Variants in SMARCD3 observed in about 807,000 individuals in gnomAD.
SMARCD3 encodes the protein SWI/SNF related BAF chromatin remodeling complex subunit D3.
Under a neutral mutation model 58.0 loss-of-function variants are expected in SMARCD3, and 14 were observed. The ratio of observed to expected loss-of-function variants is 0.24; its 90% confidence interval spans 0.16 to 0.38. SMARCD3 has a LOEUF of 0.38. Among genes scored for constraint, SMARCD3 ranks in the 10% least tolerant of loss-of-function variants. The pLI, the probability that SMARCD3 is intolerant of heterozygous loss-of-function variation, is 1.00. For synonymous variants in SMARCD3, 253 were observed against 253.8 expected, an observed-to-expected ratio of 1.00 and a Z score of 0.03; for missense variants, 408 against 636.9, an observed-to-expected ratio of 0.64 and a Z score of 3.87.
intron 2 of SMARCD3, among the ~76,000 whole-genome samples, chr7:151,265,394 A>AC (rs1804048392): frequency 6.6e-6 from 1 of 152,044 alleles, no homozygotes; most frequent in Non-Finnish European, 1.5e-5. Context: ...GAAGGAACCA[A>AC]CCCCGCTGAC....
intron 2 of SMARCD3, among the ~76,000 whole-genome samples, chr7:151,271,890 T>A (rs953025367): frequency 3.3e-5 from 5 of 152,136 alleles, no homozygotes; most frequent in African/African-American, 1.2e-4. Flanking sequence ...GCCCAGGAGT[T>A]GGAGGCTGCA....
intron 2 of SMARCD3, among the ~76,000 whole-genome samples, chr7:151,259,370 T>C (rs1344137402): frequency 1.4e-5 from 2 of 140,494 alleles, no homozygotes; most frequent in Non-Finnish European, 3.1e-5. Context: ...AAAAAAAGAA[T>C]GTAAGCTCCA....
chr7:151,264,024 C>CA (rs1804001287), intron 2 of SMARCD3, among the ~76,000 whole-genome samples: 1 of 151,944 alleles, frequency 6.6e-6, no homozygotes, highest in African/African-American at 2.4e-5. Context: ...AATGATCAGC[C>CA]ACTGGGTCTG....
At chr7:151,273,757 G>A (rs905776937) in intron 2 of SMARCD3, among the ~76,000 whole-genome samples, 3 of 152,104 alleles carry the variant, frequency 2.0e-5, no homozygotes, top group African/African-American at 7.2e-5. Flanking sequence ...CCTTGGTGAT[G>A]GGTACCAGGT....
chr7:151,275,334 G>A, intron 1 of SMARCD3: 1 of 630,184 alleles, frequency 1.6e-6, no homozygotes. Context: ...ACTCCCCGGA[G>A]TGGAGGTCTG....
upstream of SMARCD3, among the ~76,000 whole-genome samples, chr7:151,250,405 A>G (rs181762698): frequency 7.1e-4 from 108 of 151,986 alleles, no homozygotes; most frequent in African/African-American, 2.3e-3. Context: ...TCTGTCTGCC[A>G]TAGGTCATGC....
chr7:151,257,176 C>G (rs2150605629), intron 2 of SMARCD3, among the ~76,000 whole-genome samples: 1 of 152,358 alleles, frequency 6.6e-6, no homozygotes, highest in Middle Eastern at 3.4e-3. Flanking sequence ...TAGGCGTGAG[C>G]CCCTGCACCC....
intron 2 of SMARCD3, among the ~76,000 whole-genome samples, chr7:151,244,335 T>A (rs1001349318): frequency 6.6e-6 from 1 of 152,196 alleles, no homozygotes; most frequent in Admixed American, 6.5e-5. Flanking sequence ...GACTTCAGGC[T>A]GAGGCCAAAT....
chr7:151,268,903 C>T (rs1247943405), intron 2 of SMARCD3, among the ~76,000 whole-genome samples: 2 of 152,128 alleles, frequency 1.3e-5, no homozygotes, highest in African/African-American at 2.4e-5. Flanking sequence ...TGCGACTGGC[C>T]TAAAATTCTT....
intron 2 of SMARCD3, among the ~76,000 whole-genome samples, chr7:151,268,282 GACCAGACC>G: frequency 6.6e-6 from 1 of 152,326 alleles, no homozygotes; most frequent in South Asian, 2.1e-4. Flanking sequence ...AATTTGGCAA[GACCAGACC>G]ACCAGTCCAT....
chr7:151,270,564 A>G (rs1018107263), intron 2 of SMARCD3, among the ~76,000 whole-genome samples: 4 of 152,164 alleles, frequency 2.6e-5, no homozygotes, highest in African/African-American at 4.8e-5. Flanking sequence ...TTCACGCCCA[A>G]GCCGGGTGGG....
rs1803830594 is a variant in SMARCD3 at position 151,259,437 on chromosome 7, G to A, written c.40-13766C>T. On this transcript the variant is annotated intron_variant, in intron 2 of 13. Transcript: ENST00000356800. The stretch of plus-strand genomic sequence containing the variant: ...TGTGTGTGTGTGTGTGTTTCTAAAG[G>A]AGGCAGGGCTTTTTATCTGTTTTCT... Among the ~76,000 whole-genome samples, 6 of 138,190 alleles carry A rather than the reference G, an allele frequency of 4.3e-5. No homozygotes were observed. In the South Asian group the frequency reaches 1.4e-3, roughly 31 times the overall value. The allele number at this position is 138,190 out of a possible 152,430, so 90.7% of individuals were successfully genotyped here. A position where few individuals can be genotyped will look rare whatever the true frequency, so the allele number is the denominator to read the frequency against.
chr7:151,245,873 G>A lies in SMARCD3; in HGVS notation c.79-202C>T. The A allele has an allele frequency of 2.6e-6, 1 of 380,146 alleles. No homozygotes were observed. The highest frequency in any genetic ancestry group is 4.7e-6 in the Non-Finnish European group (1 of 214,440). The allele number at this position is 380,146 out of a possible 1,614,324, so 23.5% of individuals were successfully genotyped here. On this transcript the variant is annotated intron_variant, in intron 1 of 12. Coordinates refer to ENST00000262188, the MANE Select transcript of SMARCD3 (RefSeq NM_001003801.2). The surrounding 1 kb of genome is among the most constrained non-coding windows in gnomAD (Gnocchi z 6.2). ...CGCGGCTCTGGCGGAGGGGCTTGGC[G>A]TCTGGCTGCAGGAAGCTAACTGAAG...
At position 151,241,855 on chromosome 7, in the gene SMARCD3, G is replaced by T; in HGVS notation, c.777+22C>A. On this transcript the variant is annotated intron_variant, in intron 7 of 12. Coordinates refer to ENST00000262188, the MANE Select transcript of SMARCD3 (RefSeq NM_001003801.2). This position sits in a 1 kb window ranked among gnomAD's most constrained non-coding sequence, Gnocchi z 5.3. Reference sequence around the variant, plus strand: ...CTGAGGGCCTTGTGTGGCGTGTACGGGGCAGCATGGCAGGTGCAGACCTGG... The same window carrying T: ...CTGAGGGCCTTGTGTGGCGTGTACGTGGCAGCATGGCAGGTGCAGACCTGG... 1 of 1,591,108 alleles carries T rather than the reference G, an allele frequency of 6.3e-7. No individual in the cohort carries two copies. Among genetic ancestry groups the T allele is most frequent in the Non-Finnish European group, 8.6e-7 (1 of 1,164,098 alleles).
intron 2 of SMARCD3, among the ~76,000 whole-genome samples, chr7:151,262,460 G>A (rs1056709067): frequency 5.9e-5 from 9 of 152,188 alleles, no homozygotes; most frequent in Admixed American, 3.9e-4. Flanking sequence ...TGCTGGTAAC[G>A]GCATCCAAAG....
In SMARCD3 at chr7:151,261,266, A is replaced by G. The variant is rs548090138; in HGVS notation, c.39+13848T>C. ...CTTTACTGTGGGAGCTGCCTTGCAC[A>G]CTGTATGATGTCAGGAGCATCCTTG... is the stretch of plus-strand genomic sequence containing the variant. On this transcript the variant is annotated intron_variant, in intron 2 of 13. Coordinates refer to the SMARCD3 transcript ENST00000356800. Among the ~76,000 whole-genome samples the G allele has an allele frequency of 9.9e-5, 15 of 152,280 alleles. No individual in the cohort carries two copies. The East Asian group carries it at 2.7e-3, about 27-fold the overall frequency.
At chr7:151,275,051 G>T (rs1270353733) in intron 2 of SMARCD3, 5 of 1,390,526 alleles carry the variant, frequency 3.6e-6, no homozygotes, top group Admixed American at 1.8e-5. Context: ...GCCGAGGGCT[G>T]GCCGACTCGC....
chr7:151,239,523 T>C lies in SMARCD3; in HGVS notation c.1297-26A>G, dbSNP rs1485102867. On this transcript the variant is annotated intron_variant, in intron 11 of 12. Transcript: ENST00000262188. This position sits in a 1 kb window ranked among gnomAD's most constrained non-coding sequence, Gnocchi z 7.0. ...CTGGGAGGGAGCGTGGGGTGAGCCC[T>C]GAGCCCTGAATCCCCTCACCTGCCC... 1 of 1,610,170 alleles carries C rather than the reference T, an allele frequency of 6.2e-7. No homozygotes were observed. The highest frequency in any genetic ancestry group is 8.5e-7 in the Non-Finnish European group (1 of 1,176,788).
Position 151,243,611 on chromosome 7 carries a change from C to T in SMARCD3, c.333+48G>A, listed in dbSNP as rs1226035747. On this transcript the variant is annotated intron_variant, in intron 3 of 12. Transcript: ENST00000262188. The surrounding 1 kb of genome is among the most constrained non-coding windows in gnomAD (Gnocchi z 4.4). ...TCTGAGGGGGGAGGGGAGGGCGGAG[C>T]AGCAAAGGGTGGGGGGTGGGCTGGG... The T allele has an allele frequency of 9.4e-7, 1 of 1,062,454 alleles. No individual in the cohort carries two copies. The highest frequency in any genetic ancestry group is 1.7e-5 in the Admixed American group (1 of 59,110). 65.8% of individuals were successfully genotyped at this position (1,062,454 alleles called of 1,614,324 possible).
Sources: gnomAD v4.1 joint callset for allele counts (sites outside exome capture counted in the v4.1 genomes callset) on GRCh38, gnomAD v4.1.1 for gene constraint, Gnocchi (gnomAD v3.1) non-coding constraint, MANE v1.5 for transcripts, NCBI Gene and HGNC (gene_info 2026-07-23, HGNC 2026-07-21) for gene names.